Variants in AKAP9 observed in about 807,000 individuals in gnomAD.
AKAP9 encodes the protein A-kinase anchor protein 9.
AKAP9 carries 311 observed loss-of-function variants against 488.5 expected under a neutral mutation model. That is an observed-to-expected ratio of 0.64 (90% confidence interval 0.58 to 0.70). AKAP9 has a LOEUF of 0.70. Among genes scored for constraint, AKAP9 ranks in the 30% least tolerant of loss-of-function variants. The probability of loss-of-function intolerance (pLI) is 0.00; values close to 1 mark genes in which losing one functional copy is unlikely to be tolerated. For missense variants in AKAP9, 4,215 were observed against 4,374.5 expected (o/e 0.96, Z 1.03); for synonymous variants, 1,462 against 1,483.5 (o/e 0.99, Z 0.33).
intron 1 of AKAP9, among the ~76,000 whole-genome samples, chr7:91,972,602 G>A (rs991839561): frequency 9.2e-5 from 14 of 152,110 alleles, no homozygotes; most frequent in African/African-American, 2.9e-4. Context: ...CTGGGATATC[G>A]CCAGTAATAA....
chr7:92,086,474 T>C, intron 37 of AKAP9, 58 bp downstream of exon 37: 1 of 1,364,532 alleles, frequency 7.3e-7, no homozygotes, highest in South Asian at 1.2e-5. Context: ...TGACTATTGA[T>C]TTTAGAGTCT....
intron 8 of AKAP9, among the ~76,000 whole-genome samples, chr7:92,011,326 A>G (rs994098879): frequency 6.6e-6 from 1 of 152,220 alleles, no homozygotes; most frequent in Non-Finnish European, 1.5e-5. Flanking sequence ...AACCCTACAT[A>G]AGATGCTTTG....
intron 3 of AKAP9, among the ~76,000 whole-genome samples, chr7:91,986,239 T>G (rs192898711): frequency 2.0e-5 from 3 of 152,346 alleles, no homozygotes. Context: ...TGCCAGTTTC[T>G]GAGACCATTG....
intron 14 of AKAP9, among the ~76,000 whole-genome samples, chr7:92,025,916 G>A (rs1255597669): frequency 1.3e-5 from 2 of 152,164 alleles, no homozygotes; most frequent in Admixed American, 6.5e-5. Context: ...TTTTTCGAAG[G>A]TAATGGTTGG....
intron 1 of AKAP9, among the ~76,000 whole-genome samples, chr7:91,969,727 C>T (rs1794825016): frequency 6.6e-6 from 1 of 152,082 alleles, no homozygotes; most frequent in Non-Finnish European, 1.5e-5. Context: ...ATAGCTACTC[C>T]TGTTCTTTTT....
chr7:92,083,627 C>T lies in AKAP9; in HGVS notation c.8618C>T (p.Ala2873Val). The T allele has an allele frequency of 6.2e-7, 1 of 1,609,578 alleles. No homozygotes were observed. Among genetic ancestry groups the T allele is most frequent in the Non-Finnish European group, 8.5e-7 (1 of 1,178,906 alleles). The change falls in exon 33 of 50, where the codon GCA (alanine) becomes GTA (valine). Residue 2873 changes from alanine to valine, a missense_variant. Coordinates refer to ENST00000356239, the MANE Select transcript of AKAP9 (RefSeq NM_005751.5). ...AAAGAGGAATGTGGTACCTTGAAGGCAGTGATACAGTGTCTGAGAAGTAAA... is the reference window on the plus strand; with the variant it reads ...AAAGAGGAATGTGGTACCTTGAAGGTAGTGATACAGTGTCTGAGAAGTAAA... Reference protein sequence around the residue: ...LLKEECGTLKAVIQCLRSKEG... With the variant: ...LLKEECGTLKVVIQCLRSKEG...
chr7:92,055,696 G>T (rs779141850), intron 22 of AKAP9, among the ~76,000 whole-genome samples: 6 of 151,946 alleles, frequency 3.9e-5, no homozygotes, highest in Non-Finnish European at 8.8e-5. Context: ...ATTTTTGATT[G>T]CAAGAAGTTT....
intron 21 of AKAP9, among the ~76,000 whole-genome samples, chr7:92,050,069 T>TG (rs1378153352): frequency 6.6e-6 from 1 of 151,276 alleles, no homozygotes; most frequent in African/African-American, 2.4e-5. Context: ...CAAACTTTTT[T>TG]TTTTTTTTTT....
intron 31 of AKAP9, among the ~76,000 whole-genome samples, chr7:92,081,520 G>A (rs1323502146): frequency 3.6e-5 from 5 of 137,756 alleles, no homozygotes; most frequent in Non-Finnish European, 6.2e-5. Context: ...TAGTAGAGAC[G>A]AGGTTTCTCC....
Position 92,038,604 on chromosome 7 carries a change from GA to G in AKAP9, c.4527del (p.Lys1509AsnfsTer13). ...TTCAGACTTTTGAGACAGTGGATGTGAAATTTAAAGAAGAATTTAAACCACT... is the reference window on the plus strand; with the variant it reads ...TTCAGACTTTTGAGACAGTGGATGTGAATTTAAAGAAGAATTTAAACCACT... ...GFQTFETVDVKFKEEFKPLSK... is the reference protein window; with the variant it reads ...GFQTFETVDVXFKEEFKPLSK... On this transcript the variant is annotated frameshift_variant, in exon 17 of 50. Transcript: ENST00000356239. LOFTEE classifies it high-confidence loss of function. 1 of 1,613,832 alleles carries G rather than the reference GA, an allele frequency of 6.2e-7. No homozygotes were observed. The highest frequency in any genetic ancestry group is 8.5e-7 in the Non-Finnish European group (1 of 1,179,888).
intron 1 of AKAP9, among the ~76,000 whole-genome samples, chr7:91,945,100 C>G (rs888625200): frequency 6.6e-6 from 1 of 152,188 alleles, no homozygotes; most frequent in Non-Finnish European, 1.5e-5. Context: ...TGATGGCTCA[C>G]TCCTGTAATC....
intron 16 of AKAP9, among the ~76,000 whole-genome samples, chr7:92,037,566 G>C (rs1465840233): frequency 6.6e-6 from 1 of 152,084 alleles, no homozygotes; most frequent in African/African-American, 2.4e-5. Flanking sequence ...AAAGGTGTAG[G>C]GACTTGTCAG....
At chr7:92,013,995 A>G (rs1385379219) in intron 9 of AKAP9, among the ~76,000 whole-genome samples, 4 of 152,194 alleles carry the variant, frequency 2.6e-5, no homozygotes, top group Non-Finnish European at 4.4e-5. Context: ...GTAATAGGTT[A>G]TGATATATGA....
intron 45 of AKAP9, among the ~76,000 whole-genome samples, 166 bp downstream of exon 45, chr7:92,101,222 G>A (rs970923854): frequency 6.6e-6 from 1 of 152,118 alleles, no homozygotes; most frequent in East Asian, 1.9e-4. Context: ...AGATCACGAG[G>A]TCAGGAGATC....
chr7:92,032,771 T>A (rs982464546), intron 16 of AKAP9, among the ~76,000 whole-genome samples: 9 of 152,178 alleles, frequency 5.9e-5, no homozygotes, highest in African/African-American at 1.9e-4. Context: ...CATTTTTTTT[T>A]TATAGCTTTC....
At position 92,022,911 on chromosome 7, in the gene AKAP9, G is replaced by A; in HGVS notation, c.4050G>A (p.Leu1350=). The A allele has an allele frequency of 6.2e-7, 1 of 1,613,530 alleles. No individual in the cohort carries two copies. The highest frequency in any genetic ancestry group is 1.1e-5 in the South Asian group (1 of 91,074). Residue 1350 remains leucine, a synonymous_variant, in exon 14 of 50, where the codon TTG becomes TTA. Transcript: ENST00000356239. The part of the protein sequence containing the change: ...VQELESLISS[L]QQQLKETEQN... ...AATTAGAAAGCCTCATATCCTCTTTGCAGCAACAGTTGAAAGAAACTGAAC... is the reference window on the plus strand; with the variant it reads ...AATTAGAAAGCCTCATATCCTCTTTACAGCAACAGTTGAAAGAAACTGAAC...
intron 16 of AKAP9, among the ~76,000 whole-genome samples, chr7:92,033,337 A>G (rs1027995070): frequency 2.0e-5 from 3 of 152,016 alleles, no homozygotes; most frequent in Non-Finnish European, 1.5e-5. Context: ...AGAATAATAT[A>G]GATTGTTGAT....
intron 19 of AKAP9, among the ~76,000 whole-genome samples, 198 bp downstream of exon 19, chr7:92,042,384 A>T (rs1806267883): frequency 6.6e-6 from 1 of 152,238 alleles, no homozygotes; most frequent in Non-Finnish European, 1.5e-5. Flanking sequence ...TTCTGTTAAC[A>T]GCAAGTATTG....
rs1303687683 is a variant in AKAP9, at chr7:92,089,409, G to T, written c.9238G>T (p.Glu3080Ter). The stretch of plus-strand genomic sequence containing the variant: ...GGGTGTTGAATATCAAGCAGCTATG[G>T]AATGCCTCCAGAAAGCAGATAGAAG... ...EQGVEYQAAM[E>*]CLQKADRRSL... is the part of the protein sequence containing the mutation. The change falls in exon 38 of 50, where the codon GAA becomes TAA. Residue 3080 changes from glutamate to a stop codon, truncating the protein, a stop_gained. Coordinates refer to ENST00000356239, the MANE Select transcript of AKAP9 (RefSeq NM_005751.5). LOFTEE classifies it high-confidence loss of function. The T allele has an allele frequency of 6.2e-7, 1 of 1,611,804 alleles. No individual in the cohort carries two copies. The highest frequency in any genetic ancestry group is 1.1e-5 in the South Asian group (1 of 90,980).
Sources: allele counts gnomAD v4.1 joint callset (sites outside exome capture counted in the v4.1 genomes callset), GRCh38; gene constraint gnomAD v4.1.1; transcripts MANE v1.5; gene names NCBI Gene and HGNC (gene_info 2026-07-23, HGNC 2026-07-21).